Variants in ELL observed in about 807,000 individuals in gnomAD.
The protein encoded by ELL is RNA polymerase II elongation factor ELL.
ELL carries 18 observed loss-of-function variants against 64.0 expected under a neutral mutation model. The observed-to-expected ratio is 0.28, with a 90% confidence interval of 0.19 to 0.42. ELL has a LOEUF of 0.42. Among genes scored for constraint, ELL ranks in the 10% least tolerant of loss-of-function variants. ELL has a pLI of 1.00. For missense variants in ELL, 797 were observed against 870.4 expected (o/e 0.92, Z 1.06); for synonymous variants, 399 against 376.2 (o/e 1.06, Z -0.70).
At chr19:18,479,801 C>G (rs552987268) in intron 1 of ELL, among the ~76,000 whole-genome samples, 106 of 151,660 alleles carry the variant, frequency 7.0e-4, no homozygotes, top group African/African-American at 2.2e-3. Flanking sequence ...AGATGAGACA[C>G]ACAGACAGAT....
At chr19:18,451,362 A>G (rs1974530797) in intron 7 of ELL, among the ~76,000 whole-genome samples, 190 bp downstream of exon 7, 1 of 152,216 alleles carries the variant, frequency 6.6e-6, no homozygotes, top group Non-Finnish European at 1.5e-5. Flanking sequence ...TGCTGCGGCC[A>G]CACTGGCAGG....
At chr19:18,465,756 C>T in intron 3 of ELL, 41 bp downstream of exon 3, 1 of 1,424,290 alleles carries the variant, frequency 7.0e-7, no homozygotes, top group Non-Finnish European at 9.2e-7. Flanking sequence ...AGGGTGACCT[C>T]AAGAGCCGGC....
At position 18,446,395 on chromosome 19, in the gene ELL, G is replaced by A. The variant is rs766330374; in HGVS notation, c.1618C>T (p.His540Tyr). Residue 540 changes from histidine to tyrosine, a missense_variant, in exon 10 of 12, where the codon CAC becomes TAC. Physicochemically the swap from His to Tyr is moderately conservative, Grantham distance 83. Coordinates refer to ENST00000262809, the MANE Select transcript of ELL (RefSeq NM_006532.4). ...NAEYSEYRDLHARIERITRRF... is the reference protein window; with the variant it reads ...NAEYSEYRDLYARIERITRRF... ...CGCGTGATGCGCTCAATGCGGGCGT[G>A]CAGGTCGCGGTACTCGCTGTACTCG... 1.2e-6 allele frequency: 2 copies of A among 1,612,028 alleles called. No individual in the cohort carries two copies.
intron 1 of ELL, among the ~76,000 whole-genome samples, chr19:18,511,353 C>T (rs952911971): frequency 1.3e-5 from 2 of 152,054 alleles, no homozygotes. Context: ...TTGCTTCAAC[C>T]TGGGAGGCAG....
chr19:18,455,394 G>C (rs1974644275), intron 6 of ELL, among the ~76,000 whole-genome samples: 1 of 151,408 alleles, frequency 6.6e-6, no homozygotes, highest in South Asian at 2.1e-4. Flanking sequence ...GGGAAGCTGA[G>C]GCACAGAATT....
intron 1 of ELL, among the ~76,000 whole-genome samples, chr19:18,495,590 G>A (rs1975632683): frequency 6.6e-6 from 1 of 152,244 alleles, no homozygotes; most frequent in South Asian, 2.1e-4. Flanking sequence ...TGAAGGAGGA[G>A]GGCCGAGAGC....
chr19:18,502,159 CG>C (rs1304829376), intron 1 of ELL, among the ~76,000 whole-genome samples: 1 of 152,124 alleles, frequency 6.6e-6, no homozygotes, highest in Non-Finnish European at 1.5e-5. Context: ...CAGGAGCACC[CG>C]GGAGGCTCCT....
In ELL at chr19:18,451,536, G is replaced by A. The variant is rs1359686918; in HGVS notation, c.966+16C>T. The A allele has an allele frequency of 4.1e-6, 6 of 1,474,936 alleles. No homozygotes were observed. Among genetic ancestry groups the A allele is most frequent in the Non-Finnish European group, 5.4e-6 (6 of 1,121,050 alleles). 91.4% of individuals were successfully genotyped at this position (1,474,936 alleles called of 1,614,324 possible). On this transcript the variant is annotated intron_variant, in intron 7 of 11. Coordinates refer to ENST00000262809, the MANE Select transcript of ELL (RefSeq NM_006532.4). ...GCAGGTGCTTGGGACAGTCACCCCA[G>A]GCATGCCTCACTTACCTGTGGGGGC...
At chr19:18,511,225 C>T (rs1976014078) in intron 1 of ELL, among the ~76,000 whole-genome samples, 1 of 150,212 alleles carries the variant, frequency 6.7e-6, no homozygotes, top group African/African-American at 2.5e-5. Context: ...TGAGATAGCA[C>T]CACTGCACTC....
intron 1 of ELL, among the ~76,000 whole-genome samples, chr19:18,488,730 A>T (rs1308509607): frequency 6.6e-6 from 1 of 152,126 alleles, no homozygotes; most frequent in African/African-American, 2.4e-5. Context: ...TTGGGGGCCA[A>T]CTTTAAGCAA....
chr19:18,448,087 A>ATT (rs74412361), intron 8 of ELL, among the ~76,000 whole-genome samples: 7 of 141,664 alleles, frequency 4.9e-5, no homozygotes, highest in Admixed American at 1.4e-4. Context: ...CACCTGGCGA[A>ATT]TTTTTTTTTT....
intron 1 of ELL, among the ~76,000 whole-genome samples, chr19:18,474,940 T>C (rs193032901): frequency 6.6e-6 from 1 of 152,268 alleles, no homozygotes; most frequent in Non-Finnish European, 1.5e-5. Context: ...CTGGCCAACA[T>C]GGTGAAACCC....
intron 1 of ELL, among the ~76,000 whole-genome samples, chr19:18,484,511 C>A (rs541747252): frequency 6.6e-6 from 1 of 151,972 alleles, no homozygotes; most frequent in African/African-American, 2.4e-5. Context: ...TGTGGTAATG[C>A]GCACCTGCAG....
intron 1 of ELL, among the ~76,000 whole-genome samples, chr19:18,491,479 C>T (rs1382377827): frequency 2.0e-5 from 3 of 152,100 alleles, no homozygotes; most frequent in South Asian, 2.1e-4. Context: ...TCCAATCAGT[C>T]GAAGGCCTGG....
Position 18,443,390 on chromosome 19 carries a change from AAT to A in ELL, c.*1360_*1361del, listed in dbSNP as rs1974335207. 5.2e-6 allele frequency: 1 copy of A among 191,824 alleles called. No homozygotes were observed. The allele number at this position is 191,824 out of a possible 1,614,324, so 11.9% of individuals were successfully genotyped here. On this transcript the variant is annotated 3_prime_UTR_variant, in exon 12 of 12. Coordinates refer to ENST00000262809, the MANE Select transcript of ELL (RefSeq NM_006532.4). Reference sequence around the variant, plus strand: ...ACCCCTCCACCCCCCAGTTTAGAAAAATAGACATCTGTATTTTTGCATTTCTG... The same window carrying A: ...ACCCCTCCACCCCCCAGTTTAGAAAAAGACATCTGTATTTTTGCATTTCTG...
Position 18,518,489 on chromosome 19 carries a change from CA to C in ELL, c.135+3431del, listed in dbSNP as rs34535243. ...TGGACAATGGAGCAAAACCCTGTCT[CA>C]AAAAAAAAAAAAAAGGGGGCCCAGC... On this transcript the variant is annotated intron_variant, in intron 1 of 11. Transcript: ENST00000262809. 8.5e-3 allele frequency among the ~76,000 whole-genome samples: 933 copies of C among 110,398 alleles called. 6 individuals are homozygous for C. Among genetic ancestry groups the C allele is most frequent in the African/African-American group, 0.016 (480 of 30,236 alleles). 72.4% of individuals were successfully genotyped at this position (110,398 alleles called of 152,430 possible). A position where few individuals can be genotyped will look rare whatever the true frequency, so the allele number is the denominator to read the frequency against.
At chr19:18,521,872 C>A in intron 1 of ELL, 49 bp downstream of exon 1, 1 of 1,532,028 alleles carries the variant, frequency 6.5e-7, no homozygotes, top group Non-Finnish European at 8.8e-7. Context: ...GCGAGGCCGG[C>A]CCGCGTCCGG....
chr19:18,446,752 A>T lies in ELL; in HGVS notation c.1528T>A (p.Leu510Met). 6.2e-7 allele frequency: 1 copy of T among 1,614,028 alleles called. No homozygotes were observed. The highest frequency in any genetic ancestry group is 8.5e-7 in the Non-Finnish European group (1 of 1,180,004). ...PTSTSETPDY[L>M]LKYAAISSSE... Reference sequence around the variant, plus strand: ...AGGGCCCAGACAAACACTCACAGCAAGTAGTCAGGCGTCTCCGACGTGGAC... The same window carrying T: ...AGGGCCCAGACAAACACTCACAGCATGTAGTCAGGCGTCTCCGACGTGGAC... The change falls in exon 9 of 12, where the codon TTG (leucine) becomes ATG (methionine). Residue 510 changes from leucine to methionine, a missense_variant. Leu to Met is a conservative substitution (Grantham distance 15). Coordinates refer to ENST00000262809, the MANE Select transcript of ELL (RefSeq NM_006532.4).
At chr19:18,473,758 C>G (rs1975114817) in intron 1 of ELL, among the ~76,000 whole-genome samples, 1 of 151,780 alleles carries the variant, frequency 6.6e-6, no homozygotes, top group African/African-American at 2.4e-5. Context: ...GATGCTACCC[C>G]ACAGCATAGC....
Sources: allele counts gnomAD v4.1 joint callset (sites outside exome capture counted in the v4.1 genomes callset), GRCh38; gene constraint gnomAD v4.1.1; transcripts MANE v1.5; gene names NCBI Gene and HGNC (gene_info 2026-07-23, HGNC 2026-07-21).